Variants in NDNF observed in about 807,000 individuals in gnomAD.
NDNF encodes neuron derived neurotrophic factor.
NDNF carries 16 observed loss-of-function variants against 42.0 expected under a neutral mutation model. The ratio of observed to expected loss-of-function variants is 0.38; its 90% confidence interval spans 0.26 to 0.58. The LOEUF is 0.58. NDNF is among the 20% of genes least tolerant of loss of function. The pLI, the probability that NDNF is intolerant of heterozygous loss-of-function variation, is 0.67. For missense variants in NDNF, 616 were observed against 666.2 expected, an observed-to-expected ratio of 0.92 and a Z score of 0.83; for synonymous variants, 248 against 251.7, an observed-to-expected ratio of 0.99 and a Z score of 0.14.
At chr4:121,046,667 T>C (rs1202057241) in intron 1 of NDNF, among the ~76,000 whole-genome samples, 1 of 152,200 alleles carries the variant, frequency 6.6e-6, no homozygotes, top group East Asian at 1.9e-4. Flanking sequence ...TTTAGAACAT[T>C]TGTCTTAACC....
intron 1 of NDNF, among the ~76,000 whole-genome samples, chr4:121,053,591 CAGAT>C (rs928718936): frequency 1.3e-5 from 2 of 152,136 alleles, no homozygotes; most frequent in Non-Finnish European, 2.9e-5. Context: ...TAAAATGTAT[CAGAT>C]GGATGGTTAG....
chr4:121,067,794 T>C (rs1418384717), intron 1 of NDNF, among the ~76,000 whole-genome samples: 1 of 152,246 alleles, frequency 6.6e-6, no homozygotes, highest in Non-Finnish European at 1.5e-5. Context: ...ATATATTACA[T>C]GTTTTCCAAA....
chr4:121,067,625 C>T, intron 1 of NDNF, among the ~76,000 whole-genome samples: 1 of 151,876 alleles, frequency 6.6e-6, no homozygotes, highest in East Asian at 1.9e-4. Context: ...GGGCCAAATA[C>T]CCAGCTGTTC....
chr4:121,047,003 T>C (rs981926458), intron 1 of NDNF, among the ~76,000 whole-genome samples: 3 of 152,210 alleles, frequency 2.0e-5, no homozygotes, highest in Non-Finnish European at 4.4e-5. Flanking sequence ...TAGAGAAATA[T>C]AGTGTTTTTA....
At chr4:121,046,217 T>C (rs1011665211) in intron 1 of NDNF, among the ~76,000 whole-genome samples, 1 of 152,156 alleles carries the variant, frequency 6.6e-6, no homozygotes, top group Admixed American at 6.5e-5. Context: ...TTAAGGTCAG[T>C]TTTTTGAACT....
intron 2 of NDNF, among the ~76,000 whole-genome samples, chr4:121,045,405 C>CA (rs1487012051): frequency 6.6e-6 from 1 of 151,648 alleles, no homozygotes; most frequent in Non-Finnish European, 1.5e-5. Flanking sequence ...ATAATCATTC[C>CA]AAAATGTAAG....
intron 2 of NDNF, among the ~76,000 whole-genome samples, chr4:121,042,018 A>C (rs756347630): frequency 6.6e-6 from 1 of 152,118 alleles, no homozygotes; most frequent in Non-Finnish European, 1.5e-5. Context: ...GCTTTTTCCA[A>C]CTCACTCTGG....
intron 3 of NDNF, among the ~76,000 whole-genome samples, chr4:121,039,192 G>GTATA (rs57613027): frequency 5.9e-3 from 127 of 21,476 alleles, no homozygotes; most frequent in African/African-American, 7.9e-3. Flanking sequence ...GTGTGTGTGT[G>GTATA]TATATATATA....
In NDNF at chr4:121,045,834, C is replaced by T; in HGVS notation, c.4G>A (p.Val2Met). 1 of 1,613,646 alleles carries T rather than the reference C, an allele frequency of 6.2e-7. No homozygotes were observed. The highest frequency in any genetic ancestry group is 8.5e-7 in the Non-Finnish European group (1 of 1,179,800). MVLLHWCLLWLL... is the reference protein window; with the variant it reads MMLLHWCLLWLL... The stretch of plus-strand genomic sequence containing the variant: ...CACAGCAGGCACCAGTGGAGCAGCA[C>T]CATCCTGAGGCAACAGAAATGACTA... Residue 2 changes from valine (V) to methionine (M), a missense_variant, in exon 2 of 4, where the codon GTG becomes ATG. Transcript: ENST00000379692.
intron 1 of NDNF, among the ~76,000 whole-genome samples, chr4:121,064,589 G>C (rs1484290622): frequency 6.6e-6 from 1 of 152,078 alleles, no homozygotes; most frequent in Non-Finnish European, 1.5e-5. Flanking sequence ...ACAAATAACA[G>C]AATAATATTG....
rs201775943 is a variant in NDNF at position 121,037,175 on chromosome 4, G to T, written c.796C>A (p.Arg266Ser). 1.2e-5 allele frequency: 19 copies of T among 1,614,004 alleles called. No individual in the cohort carries two copies. Among genetic ancestry groups the T allele is most frequent in the Non-Finnish European group, 1.6e-5 (19 of 1,180,006 alleles). Residue 266 changes from arginine to serine, a missense_variant, in exon 4 of 4, where the codon CGC becomes AGC. Coordinates refer to ENST00000379692, the MANE Select transcript of NDNF (RefSeq NM_024574.4). ...GFPSDNSGKE[R>S]SFQAKPSPKL... ...GGAGAAGGCTTTGCCTGGAAACTGCGTTCTTTACCTGAATTATCAGAAGGA... is the reference window on the plus strand; with the variant it reads ...GGAGAAGGCTTTGCCTGGAAACTGCTTTCTTTACCTGAATTATCAGAAGGA...
rs529465636 is a variant in NDNF at position 121,054,866 on chromosome 4, G to A, written c.-1-9028C>T. Among the ~76,000 whole-genome samples the A allele has an allele frequency of 3.3e-5, 5 of 152,306 alleles. No individual in the cohort carries two copies. The South Asian group carries it at 8.3e-4, about 25-fold the overall frequency. ...CTTTTTTGAGACAGGGTCTTGCTCT[G>A]TTGCCAAGGCTGGAGTGCAGTGGTG... On this transcript the variant is annotated intron_variant, in intron 1 of 3. Coordinates refer to ENST00000379692, the MANE Select transcript of NDNF (RefSeq NM_024574.4).
intron 1 of NDNF, among the ~76,000 whole-genome samples, chr4:121,060,989 T>G (rs1727395676): frequency 6.6e-6 from 1 of 152,204 alleles, no homozygotes. Context: ...ACCAGGGACC[T>G]TAAAGAGTTA....
At position 121,036,229 on chromosome 4, in the gene NDNF, G is replaced by C; in HGVS notation, c.*35C>G. Reference sequence around the variant, plus strand: ...CTTAAAGTGATTTAATGTCCCTCCTGGAGTTCTACATAATATATCTCTATA... The same window carrying C: ...CTTAAAGTGATTTAATGTCCCTCCTCGAGTTCTACATAATATATCTCTATA... On this transcript the variant is annotated 3_prime_UTR_variant, in exon 4 of 4. Transcript: ENST00000379692. The C allele has an allele frequency of 1.3e-6, 2 of 1,501,426 alleles. No individual in the cohort carries two copies. Among genetic ancestry groups the C allele is most frequent in the East Asian group, 2.3e-5 (1 of 44,336 alleles). The allele number at this position is 1,501,426 out of a possible 1,614,324, so 93.0% of individuals were successfully genotyped here. A position where few individuals can be genotyped will look rare whatever the true frequency, so the allele number is the denominator to read the frequency against.
rs544964726 is a variant in NDNF, at chr4:121,039,943, G to A, written c.300C>T (p.Ser100=). 6.2e-5 allele frequency: 100 copies of A among 1,613,594 alleles called. No homozygotes were observed. Among genetic ancestry groups the A allele is most frequent in the African/African-American group, 1.1e-4 (8 of 74,966 alleles). ...CCTGCTGCTTACCTGAGCCTTCCCC[G>A]CTCCTGTCCTCTGGCAGCTCCTGGA... is the stretch of plus-strand genomic sequence containing the variant. ...LSLQELPEDR[S]GEGSGDLEPL... The change falls in exon 3 of 4, where the codon AGC becomes AGT. Residue 100 remains serine, a synonymous_variant. Transcript: ENST00000379692.
At chr4:121,037,894 G>A (rs1726907004) in intron 3 of NDNF, 2 of 381,992 alleles carry the variant, frequency 5.2e-6, no homozygotes, top group Non-Finnish European at 9.3e-6. Flanking sequence ...AATCCAATTA[G>A]TAAAAATTTT....
intron 1 of NDNF, among the ~76,000 whole-genome samples, chr4:121,064,733 C>T (rs369936427): frequency 2.6e-5 from 4 of 152,152 alleles, no homozygotes; most frequent in South Asian, 2.1e-4. Flanking sequence ...AGTGTGTATG[C>T]GTGTGCGTGG....
intron 2 of NDNF, among the ~76,000 whole-genome samples, chr4:121,043,318 A>T (rs192802485): frequency 1.3e-5 from 2 of 152,322 alleles, no homozygotes; most frequent in East Asian, 3.9e-4. Context: ...CTGCTGTGCA[A>T]CTTTATCTGG....
At chr4:121,040,306 T>C (rs1312158948) in intron 2 of NDNF, among the ~76,000 whole-genome samples, 3 of 152,098 alleles carry the variant, frequency 2.0e-5, no homozygotes, top group Non-Finnish European at 4.4e-5. Flanking sequence ...CATCAACAAA[T>C]ACAGCGTGAA....
Sources: gnomAD v4.1 joint callset for allele counts (sites outside exome capture counted in the v4.1 genomes callset) on GRCh38, gnomAD v4.1.1 for gene constraint, MANE v1.5 for transcripts, NCBI Gene and HGNC (gene_info 2026-07-23, HGNC 2026-07-21) for gene names.